ST18: variants seen among roughly 807,000 people sequenced by gnomAD.
ST18 encodes the protein ST18 C2H2C-type zinc finger transcription factor.
A neutral mutation model predicts 110.0 loss-of-function variants in ST18; 50 were observed. That is an observed-to-expected ratio of 0.45 (90% confidence interval 0.36 to 0.58). ST18 has a LOEUF of 0.58. Ranked by LOEUF, ST18 falls within the 20% of genes least tolerant of loss-of-function variation. The pLI is 0.00. For synonymous variants in ST18, 461 were observed against 452.4 expected (o/e 1.02, Z -0.24); for missense variants, 1,306 against 1,280.1 (o/e 1.02, Z -0.31).
At chr8:52,286,352 G>A (rs1244136237) in intron 2 of ST18, among the ~76,000 whole-genome samples, 1 of 152,138 alleles carries the variant, frequency 6.6e-6, no homozygotes, top group Non-Finnish European at 1.5e-5. Context: ...TTGAAGAGAT[G>A]AACTGCATTG....
chr8:52,155,082 G>C (rs1259680232), intron 15 of ST18, among the ~76,000 whole-genome samples: 1 of 148,392 alleles, frequency 6.7e-6, no homozygotes, highest in East Asian at 2.1e-4. Context: ...CACGCCGGTA[G>C]TCCCAGCTGC....
intron 2 of ST18, among the ~76,000 whole-genome samples, chr8:52,306,336 G>A (rs1001071440): frequency 6.6e-6 from 1 of 152,118 alleles, no homozygotes; most frequent in Non-Finnish European, 1.5e-5. Context: ...TGATTTTCTG[G>A]CCCCTCTTGC....
chr8:52,204,789 C>T (rs1588414173), intron 8 of ST18, among the ~76,000 whole-genome samples: 1 of 152,148 alleles, frequency 6.6e-6, no homozygotes, highest in African/African-American at 2.4e-5. Context: ...TATTTTGCCA[C>T]AGTTTTAGAA....
intron 2 of ST18, among the ~76,000 whole-genome samples, chr8:52,301,454 C>T (rs958068446): frequency 1.3e-5 from 2 of 152,082 alleles, no homozygotes; most frequent in Non-Finnish European, 2.9e-5. Flanking sequence ...TACTAAGTCA[C>T]AGAGGAAAAG....
chr8:52,117,543 A>T (rs1349043453), intron 24 of ST18, among the ~76,000 whole-genome samples: 1 of 152,204 alleles, frequency 6.6e-6, no homozygotes, highest in African/African-American at 2.4e-5. Context: ...CAAAAGTATC[A>T]ATCTGTGGAC....
At chr8:52,192,224 T>C (rs1163687673) in intron 8 of ST18, among the ~76,000 whole-genome samples, 7 of 152,148 alleles carry the variant, frequency 4.6e-5, no homozygotes, top group Non-Finnish European at 8.8e-5. Context: ...CCTCCCAACA[T>C]GGCACCATTC....
At position 52,171,819 on chromosome 8, in the gene ST18, C is replaced by T. The variant is rs2065067068; in HGVS notation, c.1042G>A (p.Gly348Ser). The T allele has an allele frequency of 6.2e-7, 1 of 1,613,564 alleles. No homozygotes were observed. Among genetic ancestry groups the T allele is most frequent in the Admixed American group, 1.7e-5 (1 of 59,990 alleles). Residue 348 changes from glycine (G) to serine (S), a missense_variant, in exon 10 of 26, where the codon GGT (glycine) becomes AGT (serine). By Grantham distance (56) the Gly-to-Ser change is moderately conservative. Transcript: ENST00000689386. ...ERRQTKVIDM[G>S]GRQIFNNKHS... Reference sequence around the variant, plus strand: ...TTATTGTTAAAGATTTGTCTTCCACCCATGTCGATAACTTTGGTTTGCCTC... The same window carrying T: ...TTATTGTTAAAGATTTGTCTTCCACTCATGTCGATAACTTTGGTTTGCCTC...
At chr8:52,185,318 A>C (rs1050065643) in intron 8 of ST18, among the ~76,000 whole-genome samples, 123 of 152,344 alleles carry the variant, frequency 8.1e-4, no homozygotes, top group Middle Eastern at 3.4e-3. Flanking sequence ...ATGGATGAAA[A>C]GACTCAGTAT....
At chr8:52,148,397 G>C (rs1011178966) in intron 16 of ST18, among the ~76,000 whole-genome samples, 4 of 152,154 alleles carry the variant, frequency 2.6e-5, no homozygotes, top group African/African-American at 7.2e-5. Context: ...AGACACACAG[G>C]CTGCCTCAGA....
chr8:52,211,375 C>CTAA (rs1554721630), intron 8 of ST18, among the ~76,000 whole-genome samples: 11 of 127,900 alleles, frequency 8.6e-5, no homozygotes, highest in Non-Finnish European at 1.5e-4. Context: ...ATGGAATCAT[C>CTAA]TAATTATTAT....
intron 13 of ST18, among the ~76,000 whole-genome samples, chr8:52,163,665 C>T (rs1046568008): frequency 1.3e-5 from 2 of 152,156 alleles, no homozygotes; most frequent in Non-Finnish European, 2.9e-5. Flanking sequence ...GCTCATCTGA[C>T]TTGTGGGTAT....
chr8:52,230,672 A>T (rs1042183582), intron 2 of ST18, among the ~76,000 whole-genome samples: 1 of 90,424 alleles, frequency 1.1e-5, no homozygotes, highest in Non-Finnish European at 2.2e-5. Context: ...ATTTTTTTTA[A>T]AAAATCCTTT....
At chr8:52,282,498 G>A (rs545021255) in intron 2 of ST18, among the ~76,000 whole-genome samples, 1 of 152,292 alleles carries the variant, frequency 6.6e-6, no homozygotes, top group South Asian at 2.1e-4. Flanking sequence ...GAGGGCCTTT[G>A]AGAAACGCAC....
chr8:52,202,374 A>T (rs982045216), intron 8 of ST18, among the ~76,000 whole-genome samples: 1 of 152,232 alleles, frequency 6.6e-6, no homozygotes, highest in Non-Finnish European at 1.5e-5. Flanking sequence ...GTCTTCAAAA[A>T]GTAGTCAGCA....
intron 8 of ST18, among the ~76,000 whole-genome samples, chr8:52,205,034 A>G (rs752594778): frequency 2.0e-5 from 3 of 152,012 alleles, no homozygotes; most frequent in Non-Finnish European, 2.9e-5. Flanking sequence ...TTTAAAGTAG[A>G]CCTTAGACAA....
chr8:52,292,181 T>C (rs1385692568), intron 2 of ST18, among the ~76,000 whole-genome samples: 1 of 152,230 alleles, frequency 6.6e-6, no homozygotes, highest in African/African-American at 2.4e-5. Context: ...TGGGGCTCCA[T>C]GCATTAATAT....
chr8:52,252,579 AATACAACCACCT>A (rs1385715853), intron 2 of ST18, among the ~76,000 whole-genome samples: 1 of 152,008 alleles, frequency 6.6e-6, no homozygotes, highest in African/African-American at 2.4e-5. Flanking sequence ...AAACGTTTTA[AATACAACCACCT>A]TACGCTCTCC....
chr8:52,183,735 C>T (rs1368742209), intron 8 of ST18, among the ~76,000 whole-genome samples: 3 of 152,238 alleles, frequency 2.0e-5, no homozygotes, highest in Non-Finnish European at 4.4e-5. Flanking sequence ...TCCATCAACA[C>T]TGGCTAATGC....
chr8:52,367,615 C>T (rs550181445), intron 2 of ST18, among the ~76,000 whole-genome samples: 21 of 152,178 alleles, frequency 1.4e-4, no homozygotes, highest in East Asian at 3.9e-4. Context: ...AAGAATGCAA[C>T]GAATTACAAT....
Sources: allele counts gnomAD v4.1 joint callset (sites outside exome capture counted in the v4.1 genomes callset), GRCh38; gene constraint gnomAD v4.1.1; transcripts MANE v1.5; gene names NCBI Gene and HGNC (gene_info 2026-07-23, HGNC 2026-07-21).